Variants in FAM234A observed in about 807,000 individuals in gnomAD.
FAM234A encodes family with sequence similarity 234 member A.
In FAM234A, 42 loss-of-function variants were observed where a neutral mutation model predicts 49.1. That is an observed-to-expected ratio of 0.86 (90% CI 0.67 to 1.11). FAM234A has a LOEUF of 1.11. Among genes scored for constraint, FAM234A ranks in the 50% least tolerant of loss-of-function variants. The pLI is 0.00. For missense variants in FAM234A, 815 were observed against 745.2 expected (o/e 1.09, Z -1.09); for synonymous variants, 369 against 316.2 (o/e 1.17, Z -1.77).
rs2051640436 is a variant in FAM234A, at chr16:264,961, C to T, written c.1598C>T (p.Pro533Leu). ...GTGGTCCGCCTGGGTGAGGGTGGGC[C>T]AGACAGTGACCAAGCCATCAGGGAC... is the stretch of plus-strand genomic sequence containing the variant. Reference protein sequence around the residue: ...SRVVRLGEGGPDSDQAIRDRF... With the variant: ...SRVVRLGEGGLDSDQAIRDRF... Residue 533 changes from proline (P) to leucine (L), a missense_variant, in exon 13 of 13, where the codon CCA (proline) becomes CTA (leucine). Pro to Leu is a moderately conservative substitution (Grantham distance 98). Transcript: ENST00000399932. 2 of 1,612,710 alleles carry T rather than the reference C, an allele frequency of 1.2e-6. No individual in the cohort carries two copies. Among genetic ancestry groups the T allele is most frequent in the Non-Finnish European group, 1.7e-6 (2 of 1,179,654 alleles).
intron 2 of FAM234A, chr16:254,170 T>C (rs1283780542): frequency 1.9e-6 from 1 of 534,966 alleles, no homozygotes; most frequent in African/African-American, 1.9e-5. Flanking sequence ...CACAGCTAAC[T>C]CGCCTTTCCA....
At chr16:238,765 C>CAAAAA (rs34366851) in intron 1 of FAM234A, among the ~76,000 whole-genome samples, 5 of 37,884 alleles carry the variant, frequency 1.3e-4, no homozygotes, top group Non-Finnish European at 1.8e-4. Context: ...GACTCCGTCT[C>CAAAAA]AAAAAAAAAA....
At chr16:257,618 A>G (rs148638768) in intron 3 of FAM234A, among the ~76,000 whole-genome samples, 2,259 of 150,872 alleles carry the variant, frequency 0.015, 58 homozygotes, top group African/African-American at 0.051. Flanking sequence ...TTTTTTTTCT[A>G]AGAGTTTTAT....
intron 2 of FAM234A, among the ~76,000 whole-genome samples, chr16:250,704 A>G (rs1022577026): frequency 1.3e-5 from 2 of 152,120 alleles, no homozygotes; most frequent in South Asian, 2.1e-4. Flanking sequence ...CCCTCAGCCC[A>G]TAGCAGTCAT....
intron 2 of FAM234A, among the ~76,000 whole-genome samples, chr16:251,663 C>T (rs1391820860): frequency 1.3e-5 from 2 of 149,438 alleles, no homozygotes; most frequent in African/African-American, 2.5e-5. Context: ...AGGCATAAGC[C>T]ACCATGCCTA....
At chr16:253,206 G>A (rs991584263) in intron 2 of FAM234A, among the ~76,000 whole-genome samples, 12 of 152,124 alleles carry the variant, frequency 7.9e-5, no homozygotes, top group Admixed American at 5.2e-4. Context: ...TTTCCCCACC[G>A]CATCCACCCC....
downstream of FAM234A, among the ~76,000 whole-genome samples, chr16:266,304 G>A (rs886740156): frequency 6.6e-6 from 1 of 152,172 alleles, no homozygotes; most frequent in South Asian, 2.1e-4. Flanking sequence ...ACATCCTCTG[G>A]GGGTCTCCGG....
In FAM234A at chr16:254,363, C is replaced by CT. The variant is rs2051142043; in HGVS notation, c.-33-16dup. The CT allele has an allele frequency of 6.2e-7, 1 of 1,602,946 alleles. No individual in the cohort carries two copies. The highest frequency in any genetic ancestry group is 1.3e-5 in the African/African-American group (1 of 74,488). ...GTGGGACTGCTGGCCTCGCCGACCT[C>CT]TTGCTTTATCGACACAGTGACCAGG... On this transcript the variant is annotated splice_polypyrimidine_tract_variant and intron_variant, in intron 2 of 12. Transcript: ENST00000399932.
intron 1 of FAM234A, among the ~76,000 whole-genome samples, chr16:239,365 G>A (rs1249293029): frequency 1.3e-5 from 2 of 151,004 alleles, no homozygotes; most frequent in Non-Finnish European, 2.9e-5. Context: ...TGTAATCCCA[G>A]CACTTTGGGA....
chr16:259,743 G>A, intron 4 of FAM234A, 144 bp downstream of exon 4: 2 of 740,880 alleles, frequency 2.7e-6, no homozygotes, highest in Non-Finnish European at 4.6e-6. Flanking sequence ...TGGCAGACCA[G>A]AAAGAGGCCT....
At chr16:248,030 T>C (rs1380382358) in intron 1 of FAM234A, among the ~76,000 whole-genome samples, 1 of 152,050 alleles carries the variant, frequency 6.6e-6, no homozygotes, top group East Asian at 1.9e-4. Context: ...GCCTGCATTG[T>C]TTTGCGTCCC....
chr16:258,348 T>G (rs1308756135), intron 3 of FAM234A, among the ~76,000 whole-genome samples: 22 of 152,106 alleles, frequency 1.4e-4, no homozygotes, highest in Admixed American at 1.2e-3. Flanking sequence ...TAGGGAGTGG[T>G]GATGACTCTT....
At chr16:245,366 C>T (rs185786223) in intron 1 of FAM234A, among the ~76,000 whole-genome samples, 2 of 152,194 alleles carry the variant, frequency 1.3e-5, no homozygotes, top group African/African-American at 4.8e-5. Flanking sequence ...AAATGAAATG[C>T]TTAACTTTTG....
intron 12 of FAM234A, 37 bp from the exon 13 acceptor site, chr16:264,774 C>T (rs1462616659): frequency 1.2e-6 from 2 of 1,606,904 alleles, no homozygotes; most frequent in Admixed American, 1.7e-5. Flanking sequence ...CTGGCTGGTC[C>T]TGAGCCGCCC....
intron 1 of FAM234A, among the ~76,000 whole-genome samples, chr16:235,193 G>A (rs1039423162): frequency 4.6e-5 from 7 of 152,242 alleles, no homozygotes; most frequent in Admixed American, 4.6e-4. Flanking sequence ...GCTCCCCGCC[G>A]TGGCGCAGCG....
intron 3 of FAM234A, among the ~76,000 whole-genome samples, chr16:258,049 T>G (rs2051307381): frequency 6.6e-6 from 1 of 151,748 alleles, no homozygotes; most frequent in South Asian, 2.1e-4. Context: ...GTAGAGAAGG[T>G]TTCACCGTAT....
intron 1 of FAM234A, among the ~76,000 whole-genome samples, chr16:242,703 C>G (rs373867626): frequency 6.6e-6 from 1 of 151,706 alleles, no homozygotes; most frequent in South Asian, 2.1e-4. Flanking sequence ...ACCTCTGCCC[C>G]CCGGGTTCAA....
chr16:261,954 C>G, intron 6 of FAM234A, 139 bp from the exon 7 acceptor site: 1 of 1,208,160 alleles, frequency 8.3e-7, no homozygotes. Context: ...GAGTGCCCCG[C>G]CCCCAGGCTC....
In FAM234A at chr16:264,719, G is replaced by A; in HGVS notation, c.1447+3G>A. ...TACCCACATTGTCGCCTTTGACGGT[G>A]AGTGTGGCCTCGGCCAGGGACCCGG... is the stretch of plus-strand genomic sequence containing the variant. On this transcript the variant is annotated splice_donor_region_variant and intron_variant, in intron 12 of 12. Transcript: ENST00000399932. 6.2e-7 allele frequency: 1 copy of A among 1,610,934 alleles called. No homozygotes were observed. Among genetic ancestry groups the A allele is most frequent in the Non-Finnish European group, 8.5e-7 (1 of 1,179,578 alleles).
Sources: allele counts gnomAD v4.1 joint callset (sites outside exome capture counted in the v4.1 genomes callset), GRCh38; gene constraint gnomAD v4.1.1; transcripts MANE v1.5; gene names NCBI Gene and HGNC (gene_info 2026-07-23, HGNC 2026-07-21).